PDE11A: variants seen among roughly 807,000 people sequenced by gnomAD.
PDE11A encodes the protein phosphodiesterase 11A, also known as dual 3',5'-cyclic-AMP and -GMP phosphodiesterase 11A.
A neutral mutation model predicts 100.5 loss-of-function variants in PDE11A; 100 were observed. That is an observed-to-expected ratio of 1.00 (90% CI 0.85 to 1.18). PDE11A has a LOEUF of 1.18. Ranked by LOEUF, PDE11A falls within the 50% of genes most tolerant of loss-of-function variation. The pLI is 0.00. For missense variants in PDE11A, 1,141 were observed against 1,152.6 expected, an observed-to-expected ratio of 0.99 and a Z score of 0.15; for synonymous variants, 381 against 420.8, an observed-to-expected ratio of 0.91 and a Z score of 1.16.
intron 2 of PDE11A, among the ~76,000 whole-genome samples, chr2:177,940,662 C>T (rs555600340): frequency 6.6e-6 from 1 of 152,284 alleles, no homozygotes; most frequent in East Asian, 1.9e-4. Flanking sequence ...ATCAAGAAAT[C>T]ACCCTGAAGT....
intron 15 of PDE11A, among the ~76,000 whole-genome samples, chr2:177,695,135 T>C (rs1460670437): frequency 6.6e-6 from 1 of 151,734 alleles, no homozygotes; most frequent in African/African-American, 2.4e-5. Context: ...GGGAGGGGTA[T>C]AATTGCTAGA....
chr2:177,844,197 A>T (rs914564901), intron 5 of PDE11A, among the ~76,000 whole-genome samples: 1 of 152,210 alleles, frequency 6.6e-6, no homozygotes, highest in African/African-American at 2.4e-5. Context: ...TATTTATCAC[A>T]GTTTTGAGAC....
intron 1 of PDE11A, chr2:178,105,897 G>A (rs1345716880): frequency 3.5e-6 from 1 of 285,884 alleles, no homozygotes; most frequent in East Asian, 6.1e-5. Flanking sequence ...TAAGGAATAT[G>A]CTGTCTGGGT....
chr2:177,764,466 T>C (rs2082212590), intron 10 of PDE11A, among the ~76,000 whole-genome samples: 1 of 152,198 alleles, frequency 6.6e-6, no homozygotes, highest in South Asian at 2.1e-4. Flanking sequence ...TGGCAATATA[T>C]AGTGAGAATT....
chr2:177,765,400 G>GTA lies in PDE11A; in HGVS notation c.1788+3921_1788+3922dup. Among the ~76,000 whole-genome samples, 3 of 152,324 alleles carry GTA rather than the reference G, an allele frequency of 2.0e-5. 1 individual carries two copies. The South Asian group carries it at 6.2e-4, about 32-fold the overall frequency. On this transcript the variant is annotated intron_variant, in intron 10 of 19. Coordinates refer to ENST00000286063, the MANE Select transcript of PDE11A (RefSeq NM_016953.4). ...GTACAAACTAAGAGTAATTAATGGT[G>GTA]TATATATCACATTCTCCAATAGTAC... is the stretch of plus-strand genomic sequence containing the variant.
chr2:178,010,760 G>A lies in PDE11A; in HGVS notation c.1071+3542C>T, dbSNP rs560557369. ...AAAATGACAAATGTAGAATATATTC[G>A]TATGTGGACGCATATGTAAGAAATA... On this transcript the variant is annotated intron_variant, in intron 2 of 19. Coordinates refer to ENST00000286063, the MANE Select transcript of PDE11A (RefSeq NM_016953.4). 2.3e-4 allele frequency among the ~76,000 whole-genome samples: 35 copies of A among 152,272 alleles called. 1 individual carries two copies. In the South Asian group the frequency reaches 6.6e-3, roughly 29 times the overall value.
intron 2 of PDE11A, among the ~76,000 whole-genome samples, chr2:178,002,280 G>T (rs887503995): frequency 6.6e-6 from 1 of 152,130 alleles, no homozygotes; most frequent in Non-Finnish European, 1.5e-5. Flanking sequence ...GTATTCCATG[G>T]TGTCTATGTA....
chr2:177,940,863 A>T (rs1023031182), intron 2 of PDE11A, among the ~76,000 whole-genome samples: 2 of 152,228 alleles, frequency 1.3e-5, no homozygotes, highest in African/African-American at 4.8e-5. Flanking sequence ...TTCATGATGC[A>T]CATGCTGGGA....
chr2:177,640,635 C>T (rs192461471), intron 19 of PDE11A, among the ~76,000 whole-genome samples: 1 of 152,340 alleles, frequency 6.6e-6, no homozygotes, highest in East Asian at 1.9e-4. Flanking sequence ...TAAGATTATT[C>T]ATGATTTAAT....
chr2:177,663,734 A>G lies in PDE11A; in HGVS notation c.2646+132T>C, dbSNP rs2080522327. Reference sequence around the variant, plus strand: ...GGGCACAGTCAGAAATCCAAGAAAGACAAACTGCAGCCAGAGCTCTCCGCA... The same window carrying G: ...GGGCACAGTCAGAAATCCAAGAAAGGCAAACTGCAGCCAGAGCTCTCCGCA... On this transcript the variant is annotated intron_variant, in intron 19 of 19. Coordinates refer to ENST00000286063, the MANE Select transcript of PDE11A (RefSeq NM_016953.4). The G allele has an allele frequency of 4.3e-6, 3 of 702,952 alleles. No homozygotes were observed. The South Asian group carries it at 4.6e-5, about 11-fold the overall frequency. The allele number at this position is 702,952 out of a possible 1,614,324, so 43.5% of individuals were successfully genotyped here. A position where few individuals can be genotyped will look rare whatever the true frequency, so the allele number is the denominator to read the frequency against.
intron 2 of PDE11A, among the ~76,000 whole-genome samples, chr2:177,954,209 A>T (rs2085534752): frequency 6.6e-6 from 1 of 152,058 alleles, no homozygotes; most frequent in Non-Finnish European, 1.5e-5. Context: ...GCCTTGTAAA[A>T]TGTCAGAGGC....
chr2:177,777,716 T>G (rs1023512427), intron 9 of PDE11A, among the ~76,000 whole-genome samples: 1 of 152,220 alleles, frequency 6.6e-6, no homozygotes, highest in African/African-American at 2.4e-5. Context: ...ATAAATATAC[T>G]ATCATACTCT....
chr2:178,013,225 G>A (rs1218762789), intron 2 of PDE11A, among the ~76,000 whole-genome samples: 3 of 152,142 alleles, frequency 2.0e-5, no homozygotes, highest in African/African-American at 7.2e-5. Context: ...GCTCCTGGAT[G>A]ACATAACATG....
upstream of PDE11A, among the ~76,000 whole-genome samples, chr2:178,075,076 CAA>C (rs1412993391): frequency 6.6e-6 from 1 of 151,950 alleles, no homozygotes. Flanking sequence ...TACAAAGGAA[CAA>C]ATTACAAAGG....
chr2:178,054,193 A>G (rs2086868314), intron 1 of PDE11A, among the ~76,000 whole-genome samples: 1 of 152,106 alleles, frequency 6.6e-6, no homozygotes, highest in South Asian at 2.1e-4. Flanking sequence ...GAATAATACC[A>G]CACATCTACA....
At chr2:178,049,179 G>A (rs2086789838) in intron 1 of PDE11A, among the ~76,000 whole-genome samples, 1 of 152,066 alleles carries the variant, frequency 6.6e-6, no homozygotes, top group Non-Finnish European at 1.5e-5. Context: ...CTTTGAGCCG[G>A]GCACTTAAAG....
chr2:177,830,006 T>C (rs1004858792), intron 6 of PDE11A, among the ~76,000 whole-genome samples: 1 of 152,132 alleles, frequency 6.6e-6, no homozygotes, highest in Non-Finnish European at 1.5e-5. Flanking sequence ...GATTCTCCCA[T>C]TGGCTTTGAA....
chr2:177,962,486 C>T (rs892499771), intron 2 of PDE11A, among the ~76,000 whole-genome samples: 6 of 151,880 alleles, frequency 4.0e-5, no homozygotes, highest in South Asian at 2.1e-4. Context: ...AGGAAAACAT[C>T]GCTATTAATA....
intron 2 of PDE11A, among the ~76,000 whole-genome samples, chr2:177,979,577 A>C (rs565205606): frequency 6.3e-4 from 90 of 142,064 alleles, no homozygotes; most frequent in African/African-American, 2.3e-3. Flanking sequence ...TGACAGCTTT[A>C]TTACTCAAGT....
Sources: allele counts gnomAD v4.1 joint callset (sites outside exome capture counted in the v4.1 genomes callset), GRCh38; gene constraint gnomAD v4.1.1; transcripts MANE v1.5; gene names NCBI Gene and HGNC (gene_info 2026-07-23, HGNC 2026-07-21).